STK11IP: variants seen among roughly 807,000 people sequenced by gnomAD.
The protein encoded by STK11IP is serine/threonine kinase 11 interacting protein, also known as serine/threonine-protein kinase 11-interacting protein.
In STK11IP, 103 loss-of-function variants were observed where a neutral mutation model predicts 131.7. The observed-to-expected ratio is 0.78, with a 90% CI of 0.67 to 0.92. The LOEUF (loss-of-function observed/expected upper bound fraction) is 0.92, where lower values mean the gene tolerates loss of function less well. Among genes scored for constraint, STK11IP ranks in the 40% least tolerant of loss-of-function variants. STK11IP has a pLI of 0.00. For synonymous variants in STK11IP, 557 were observed against 575.6 expected (o/e 0.97, Z 0.46); for missense variants, 1,315 against 1,385.7 (o/e 0.95, Z 0.81).
At chr2:219,613,070 C>G (rs1042486955) in intron 19 of STK11IP, 58 bp from the exon 20 acceptor site, 7 of 1,450,708 alleles carry the variant, frequency 4.8e-6, no homozygotes, top group Admixed American at 1.8e-5. Flanking sequence ...GGCTTTCAGT[C>G]TGGCCCCACC....
At chr2:219,607,192 T>A (rs1698199287) in intron 13 of STK11IP, 55 bp downstream of exon 13, 1 of 1,555,114 alleles carries the variant, frequency 6.4e-7, no homozygotes, top group Admixed American at 1.7e-5. Context: ...TCACTCTAAT[T>A]TTTAAGTTAC....
chr2:219,600,047 T>C (rs1347784580), intron 2 of STK11IP, among the ~76,000 whole-genome samples: 1 of 139,196 alleles, frequency 7.2e-6, no homozygotes, highest in Non-Finnish European at 1.5e-5. Flanking sequence ...TTGTGTTTTT[T>C]TTTTTGTTTT....
At chr2:219,600,087 G>A (rs1263417420) in intron 2 of STK11IP, among the ~76,000 whole-genome samples, 2 of 132,952 alleles carry the variant, frequency 1.5e-5, no homozygotes. Flanking sequence ...TTTTGAGATG[G>A]AGTCTACCTC....
rs755473286 is a variant in STK11IP, at chr2:219,615,111, G to T, written c.2887G>T (p.Val963Leu). 3 of 1,609,248 alleles carry T rather than the reference G, an allele frequency of 1.9e-6. No individual in the cohort carries two copies. Among genetic ancestry groups the T allele is most frequent in the Non-Finnish European group, 1.7e-6 (2 of 1,178,990 alleles). ...CCCTGCAGGCCCTTCCACCTGCCTCGTATCCCTGTTGCTGACTCCGTCCAC... is the reference window on the plus strand; with the variant it reads ...CCCTGCAGGCCCTTCCACCTGCCTCTTATCCCTGTTGCTGACTCCGTCCAC... ...FLVEGPSTCL[V>L]SLLLTPSTLF... is the part of the protein sequence containing the mutation. The change falls in exon 24 of 25, where the codon GTA becomes TTA. Residue 963 changes from valine (V) to leucine (L), a missense_variant. Coordinates refer to ENST00000456909, the MANE Select transcript of STK11IP (RefSeq NM_052902.4).
Position 219,608,379 on chromosome 2 carries a change from G to T in STK11IP, c.1552G>T (p.Glu518Ter), listed in dbSNP as rs1698272081. 5 of 1,579,206 alleles carry T rather than the reference G, an allele frequency of 3.2e-6. No homozygotes were observed. In the East Asian group the frequency reaches 6.9e-5, roughly 22 times the overall value. The change falls in exon 14 of 25, where the codon GAG becomes TAG. Residue 518 changes from glutamate to a stop codon, truncating the protein, a stop_gained. Transcript: ENST00000456909. LOFTEE classifies it high-confidence loss of function. The stretch of plus-strand genomic sequence containing the variant: ...GGGGGAGATGGTGGAACAGGGAGAA[G>T]AGGAGGCAGGAGAGGAGGAAGAAGA... The part of the protein sequence containing the change: ...EEGEMVEQGE[E>*]EAGEEEEEEQ...
At chr2:219,602,402 G>A (rs996279343) in intron 5 of STK11IP, 66 bp from the exon 6 acceptor site, 1 of 1,200,842 alleles carries the variant, frequency 8.3e-7, no homozygotes, top group Non-Finnish European at 1.2e-6. Context: ...CTGGGTGGTA[G>A]AGCTTGGCCT....
chr2:219,615,994 C>A (rs762459829), intron 24 of STK11IP, 50 bp from the exon 25 acceptor site: 1 of 1,600,150 alleles, frequency 6.2e-7, no homozygotes, highest in Admixed American at 1.7e-5. Flanking sequence ...TTGTACCCAC[C>A]CTGGTGTGGT....
At chr2:219,613,012 G>A in intron 19 of STK11IP, 116 bp from the exon 20 acceptor site, 2 of 703,532 alleles carry the variant, frequency 2.8e-6, no homozygotes, top group East Asian at 2.8e-5. Flanking sequence ...ATAGACTGGT[G>A]GGTGGGCAGT....
intron 2 of STK11IP, among the ~76,000 whole-genome samples, chr2:219,600,948 G>A (rs569400730): frequency 1.4e-4 from 21 of 152,318 alleles, no homozygotes; most frequent in Non-Finnish European, 1.8e-4. Context: ...AGCACTGTCA[G>A]TAGATGAGGC....
intron 22 of STK11IP, 78 bp from the exon 23 acceptor site, chr2:219,614,398 G>A (rs1218719075): frequency 6.4e-7 from 1 of 1,553,230 alleles, no homozygotes; most frequent in African/African-American, 1.4e-5. Context: ...CCCCTGCAGG[G>A]CTTTCTTCCC....
Position 219,615,279 on chromosome 2 carries a change from C to T in STK11IP, c.3055C>T (p.Leu1019=), listed in dbSNP as rs1490336020. The T allele has an allele frequency of 1.2e-6, 2 of 1,600,792 alleles. No individual in the cohort carries two copies. Among genetic ancestry groups the T allele is most frequent in the African/African-American group, 2.7e-5 (2 of 74,854 alleles). The change falls in exon 24 of 25, where the codon CTG becomes TTG. Residue 1019 remains leucine (L), a synonymous_variant. Transcript: ENST00000456909. The part of the protein sequence containing the change: ...RVREQQPLSS[L]SSVLLYRSAP... ...CAGGGAGCAGCAGCCACTCAGCAGCCTGAGCTCCGTGCTGCTCTACCGCTC... is the reference window on the plus strand; with the variant it reads ...CAGGGAGCAGCAGCCACTCAGCAGCTTGAGCTCCGTGCTGCTCTACCGCTC...
chr2:219,609,057 C>T lies in STK11IP; in HGVS notation c.1810-40C>T, dbSNP rs369815344. On this transcript the variant is annotated intron_variant, in intron 15 of 24. Transcript: ENST00000456909. ...CATCCCCTCATCCCTCTGATCACCG[C>T]CCCTGCTGTTTTTCACCCGGTCCCC... 194 of 1,447,518 alleles carry T rather than the reference C, an allele frequency of 1.3e-4. 1 individual carries two copies. In the African/African-American group the frequency reaches 1.9e-3, roughly 14 times the overall value. The allele number at this position is 1,447,518 out of a possible 1,614,324, so 89.7% of individuals were successfully genotyped here.
In STK11IP at chr2:219,611,714, T is replaced by C. The variant is rs1226868647; in HGVS notation, c.2215T>C (p.Ser739Pro). Residue 739 changes from serine (S) to proline (P), a missense_variant, in exon 18 of 25, where the codon TCT becomes CCT. Physicochemically the swap from Ser to Pro is moderately conservative, Grantham distance 74. Transcript: ENST00000456909. Reference sequence around the variant, plus strand: ...ACAGGGAGAGCAGTCTCTGGCTCCTTCTCCGTCTGCCAGCCCTGTCTGCCA... The same window carrying C: ...ACAGGGAGAGCAGTCTCTGGCTCCTCCTCCGTCTGCCAGCCCTGTCTGCCA... ...RKQGEQSLAP[S>P]PSASPVCHPP... 3 of 1,612,076 alleles carry C rather than the reference T, an allele frequency of 1.9e-6. No homozygotes were observed. The highest frequency in any genetic ancestry group is 2.5e-6 in the Non-Finnish European group (3 of 1,179,830).
intron 2 of STK11IP, among the ~76,000 whole-genome samples, chr2:219,600,452 G>A (rs983878829): frequency 6.6e-6 from 1 of 152,264 alleles, no homozygotes; most frequent in African/African-American, 2.4e-5. Context: ...AACCATTAGG[G>A]AAAACTGGGT....
Position 219,613,785 on chromosome 2 carries a change from G to C in STK11IP, c.2571G>C (p.Leu857=). 6.2e-7 allele frequency: 1 copy of C among 1,612,410 alleles called. No individual in the cohort carries two copies. Among genetic ancestry groups the C allele is most frequent in the Non-Finnish European group, 8.5e-7 (1 of 1,179,674 alleles). Residue 857 remains leucine (L), a synonymous_variant, in exon 21 of 25, where the codon CTG becomes CTC. Transcript: ENST00000456909. The part of the protein sequence containing the change: ...EPPASWLQLT[L]AVPLQDLSGI... ...CAGCTAGCTGGCTGCAGCTGACCCTGGCTGTTCCCCTGCAGGATCTGAGTG... is the reference window on the plus strand; with the variant it reads ...CAGCTAGCTGGCTGCAGCTGACCCTCGCTGTTCCCCTGCAGGATCTGAGTG...
rs781391333 is a variant in STK11IP at position 219,607,114 on chromosome 2, G to A, written c.1196G>A (p.Arg399Gln). Residue 399 changes from arginine to glutamine, a missense_variant, in exon 13 of 25, where the codon CGA (arginine) becomes CAA (glutamine). Physicochemically the swap from Arg to Gln is conservative, Grantham distance 43. Coordinates refer to ENST00000456909, the MANE Select transcript of STK11IP (RefSeq NM_052902.4). Reference protein sequence around the residue: ...SEPSDTDPEPRTLNPSPAGWF... With the variant: ...SEPSDTDPEPQTLNPSPAGWF... ...CCCAGTGATACGGACCCGGAGCCCC[G>A]AACTCTGAACCCCTCTCCGGCTGGT... 2.4e-5 allele frequency: 39 copies of A among 1,613,740 alleles called. No homozygotes were observed. The highest frequency in any genetic ancestry group is 4.0e-5 in the African/African-American group (3 of 74,898).
chr2:219,611,990 C>T lies in STK11IP; in HGVS notation c.2371C>T (p.Arg791Ter), dbSNP rs755470447. ...CTGTGGCCTCCGCTCTGTGGACCAC[C>T]GACTCCGGCTCTTCCTGGATGTTGA... ...ERCGLRSVDH[R>*]LRLFLDVEVF... Residue 791 changes from arginine to a stop codon, truncating the protein, a stop_gained, in exon 19 of 25, where the codon CGA becomes TGA. Coordinates refer to ENST00000456909, the MANE Select transcript of STK11IP (RefSeq NM_052902.4). LOFTEE classifies it high-confidence loss of function. 34 of 1,603,738 alleles carry T rather than the reference C, an allele frequency of 2.1e-5. No individual in the cohort carries two copies. Among genetic ancestry groups the T allele is most frequent in the African/African-American group, 4.0e-5 (3 of 74,766 alleles).
At chr2:219,615,813 C>G (rs753104498) in intron 24 of STK11IP, 1 of 718,208 alleles carries the variant, frequency 1.4e-6, no homozygotes, top group Non-Finnish European at 2.6e-6. Context: ...ATCTTCTGTA[C>G]AACAGGGAAG....
In STK11IP at chr2:219,611,981, G is replaced by A. The variant is rs753641040; in HGVS notation, c.2362G>A (p.Val788Met). Residue 788 changes from valine to methionine, a missense_variant, in exon 19 of 25, where the codon GTG becomes ATG. Val to Met is a conservative substitution (Grantham distance 21, BLOSUM62 1). Transcript: ENST00000456909. The stretch of plus-strand genomic sequence containing the variant: ...CCCTGAGCGCTGTGGCCTCCGCTCT[G>A]TGGACCACCGACTCCGGCTCTTCCT... ...PPPERCGLRS[V>M]DHRLRLFLDV... 23 of 1,602,402 alleles carry A rather than the reference G, an allele frequency of 1.4e-5. No homozygotes were observed. Among genetic ancestry groups the A allele is most frequent in the Non-Finnish European group, 2.0e-5 (23 of 1,175,538 alleles).
Sources: gnomAD v4.1 joint callset for allele counts (sites outside exome capture counted in the v4.1 genomes callset) on GRCh38, gnomAD v4.1.1 for gene constraint, MANE v1.5 for transcripts, NCBI Gene and HGNC (gene_info 2026-07-23, HGNC 2026-07-21) for gene names.